BMP6: variants seen among roughly 807,000 people sequenced by gnomAD.
BMP6 encodes bone morphogenetic protein 6, also known as VG-1-R.
A neutral mutation model predicts 54.1 loss-of-function variants in BMP6; 17 were observed. That is an observed-to-expected ratio of 0.31 (90% CI 0.22 to 0.47). The LOEUF (loss-of-function observed/expected upper bound fraction) is 0.47. BMP6 is among the 20% of genes least tolerant of loss of function. BMP6 has a pLI of 1.00. For synonymous variants in BMP6, 328 were observed against 291.2 expected (o/e 1.13, Z -1.28); for missense variants, 720 against 690.4 (o/e 1.04, Z -0.48).
At chr6:7,837,618 A>G (rs1758894052) in intron 1 of BMP6, among the ~76,000 whole-genome samples, 1 of 152,158 alleles carries the variant, frequency 6.6e-6, no homozygotes, top group South Asian at 2.1e-4. Flanking sequence ...AAAGAATGAC[A>G]CAATGGACTT....
intron 4 of BMP6, among the ~76,000 whole-genome samples, chr6:7,878,092 CCT>C (rs1249930062): frequency 6.6e-6 from 1 of 152,132 alleles, no homozygotes; most frequent in East Asian, 1.9e-4. Flanking sequence ...CCTCTCTCTT[CCT>C]CTCACTCCCA....
At chr6:7,769,429 C>G (rs1757749247) in intron 1 of BMP6, among the ~76,000 whole-genome samples, 1 of 152,246 alleles carries the variant, frequency 6.6e-6, no homozygotes, top group Admixed American at 6.5e-5. Context: ...TTCTAGCATG[C>G]AGCAGAGTTT....
At chr6:7,842,197 A>G (rs371584996) in intron 1 of BMP6, among the ~76,000 whole-genome samples, 2 of 152,250 alleles carry the variant, frequency 1.3e-5, no homozygotes, top group South Asian at 2.1e-4. Flanking sequence ...CATCTCTCAC[A>G]GTCTTGTGGA....
chr6:7,806,226 T>A (rs1229004504), intron 1 of BMP6, among the ~76,000 whole-genome samples: 2 of 152,196 alleles, frequency 1.3e-5, no homozygotes, highest in African/African-American at 4.8e-5. Context: ...CAGATCAGGG[T>A]CTTCAAGTGC....
intron 2 of BMP6, among the ~76,000 whole-genome samples, chr6:7,854,499 T>C (rs950751869): frequency 1.6e-4 from 24 of 152,178 alleles, no homozygotes; most frequent in African/African-American, 5.8e-4. Context: ...ATGTCACATG[T>C]TTAAAAGGTA....
At chr6:7,837,096 A>T (rs1758887880) in intron 1 of BMP6, among the ~76,000 whole-genome samples, 1 of 152,250 alleles carries the variant, frequency 6.6e-6, no homozygotes, top group South Asian at 2.1e-4. Context: ...AGACTAAATT[A>T]ACCAGAGAGT....
At chr6:7,805,878 A>G (rs1758340153) in intron 1 of BMP6, among the ~76,000 whole-genome samples, 1 of 152,260 alleles carries the variant, frequency 6.6e-6, no homozygotes, top group Non-Finnish European at 1.5e-5. Flanking sequence ...GGCTTCCCAC[A>G]GTAAGCGAGG....
chr6:7,800,079 GGT>G (rs72469855), intron 1 of BMP6, among the ~76,000 whole-genome samples: 10,712 of 144,774 alleles, frequency 0.074, 393 homozygotes, highest in African/African-American at 0.094. Context: ...TAAAGGAAGG[GGT>G]GTGTGTGTGT....
chr6:7,744,458 A>C (rs1482462070), intron 1 of BMP6, among the ~76,000 whole-genome samples: 1 of 152,144 alleles, frequency 6.6e-6, no homozygotes. Context: ...TCTGGGCAAC[A>C]GAGTGAGACT....
intron 4 of BMP6, among the ~76,000 whole-genome samples, chr6:7,876,669 T>C (rs1759623117): frequency 6.6e-6 from 1 of 152,256 alleles, no homozygotes; most frequent in African/African-American, 2.4e-5. Flanking sequence ...CTGTTTAATC[T>C]GTTAATTAGA....
intron 1 of BMP6, among the ~76,000 whole-genome samples, chr6:7,746,440 A>G (rs1757348351): frequency 6.6e-6 from 1 of 152,178 alleles, no homozygotes; most frequent in Admixed American, 6.5e-5. Context: ...TTGTCTAGGT[A>G]ACATCCCCCC....
chr6:7,853,316 C>A (rs1422795036), intron 2 of BMP6, among the ~76,000 whole-genome samples: 1 of 152,086 alleles, frequency 6.6e-6, no homozygotes, highest in Non-Finnish European at 1.5e-5. Context: ...ATTTGGAAAT[C>A]TTTTTAATGA....
intron 1 of BMP6, among the ~76,000 whole-genome samples, chr6:7,784,575 A>G (rs578113783): frequency 2.4e-4 from 36 of 152,042 alleles, no homozygotes; most frequent in Non-Finnish European, 4.4e-4. Context: ...CAATTCAGAT[A>G]TTTTTTCCAG....
rs577060048 is a variant in BMP6 at position 7,807,568 on chromosome 6, C to T, written c.665-37572C>T. 2.0e-4 allele frequency among the ~76,000 whole-genome samples: 30 copies of T among 152,282 alleles called. No homozygotes were observed. In the East Asian group the frequency reaches 4.8e-3, roughly 25 times the overall value. On this transcript the variant is annotated intron_variant, in intron 1 of 6. Coordinates refer to ENST00000283147, the MANE Select transcript of BMP6 (RefSeq NM_001718.6). ...TGCTGGGATCACAGGCCTGAGCCCA[C>T]GCGCCCGGCCGGGACCTTGTTTAAC... is the stretch of plus-strand genomic sequence containing the variant.
chr6:7,820,047 C>A (rs1286185856), intron 1 of BMP6, among the ~76,000 whole-genome samples: 1 of 151,992 alleles, frequency 6.6e-6, no homozygotes, highest in Non-Finnish European at 1.5e-5. Context: ...TGTTTTATTA[C>A]AAATAGAATG....
At chr6:7,817,359 C>A (rs9502651) in intron 1 of BMP6, among the ~76,000 whole-genome samples, 2 of 151,966 alleles carry the variant, frequency 1.3e-5, no homozygotes, top group African/African-American at 4.8e-5. Context: ...CAAAAACTGC[C>A]TGATGCACAT....
At position 7,782,746 on chromosome 6, in the gene BMP6, G is replaced by C. The variant is rs545106478; in HGVS notation, c.664+55127G>C. On this transcript the variant is annotated intron_variant, in intron 1 of 6. Coordinates refer to ENST00000283147, the MANE Select transcript of BMP6 (RefSeq NM_001718.6). ...AAGAAAAAAAAGTATAGATGAACTT[G>C]CCCAGGAAAGGAGTATAGAGCAGAC... Among the ~76,000 whole-genome samples, 33 of 152,182 alleles carry C rather than the reference G, an allele frequency of 2.2e-4. No individual in the cohort carries two copies. The South Asian group carries it at 5.4e-3, about 25-fold the overall frequency.
chr6:7,774,412 T>C (rs1757833778), intron 1 of BMP6, among the ~76,000 whole-genome samples: 2 of 152,228 alleles, frequency 1.3e-5, no homozygotes, highest in South Asian at 4.1e-4. Context: ...TAGCTGGGCA[T>C]GGTGCTGGGC....
chr6:7,781,030 T>G (rs189801752), intron 1 of BMP6, among the ~76,000 whole-genome samples: 1 of 152,200 alleles, frequency 6.6e-6, no homozygotes, highest in Non-Finnish European at 1.5e-5. Context: ...TTTTTCAATC[T>G]GTACCTCTTA....
Sources: allele counts gnomAD v4.1 joint callset (sites outside exome capture counted in the v4.1 genomes callset), GRCh38; gene constraint gnomAD v4.1.1; transcripts MANE v1.5; gene names NCBI Gene and HGNC (gene_info 2026-07-23, HGNC 2026-07-21).